PCDH15: variants seen among roughly 807,000 people sequenced by gnomAD.
The protein encoded by PCDH15 is protocadherin-15.
A neutral mutation model predicts 178.5 loss-of-function variants in PCDH15; 129 were observed. The ratio of observed to expected loss-of-function variants is 0.72; its 90% CI spans 0.63 to 0.84. PCDH15 has a LOEUF of 0.84. PCDH15 is among the 40% of genes least tolerant of loss of function. The pLI is 0.00. For missense variants in PCDH15, 2,230 were observed against 2,099.9 expected, an observed-to-expected ratio of 1.06 and a Z score of -1.21; for synonymous variants, 800 against 732.0, an observed-to-expected ratio of 1.09 and a Z score of -1.50.
intron 17 of PCDH15, among the ~76,000 whole-genome samples, chr10:54,073,576 G>A (rs879767535): frequency 9.2e-5 from 14 of 152,106 alleles, no homozygotes; most frequent in Non-Finnish European, 1.8e-4. Flanking sequence ...CAAAAACAAA[G>A]ATGCTAAGTC....
chr10:55,205,127 T>C (rs897590079), intron 1 of PCDH15, among the ~76,000 whole-genome samples: 2 of 152,132 alleles, frequency 1.3e-5, no homozygotes, highest in East Asian at 3.9e-4. Context: ...TTTCAAGAAT[T>C]AGTATGATAG....
intron 2 of PCDH15, among the ~76,000 whole-genome samples, chr10:54,921,833 A>C (rs957038366): frequency 6.6e-5 from 10 of 152,334 alleles, no homozygotes; most frequent in African/African-American, 2.4e-4. Flanking sequence ...CAGGCTGTAC[A>C]GGTAGCATCT....
intron 2 of PCDH15, among the ~76,000 whole-genome samples, chr10:55,134,143 T>G (rs1168291180): frequency 2.0e-5 from 3 of 152,122 alleles, no homozygotes; most frequent in African/African-American, 4.8e-5. Context: ...CTTCTCATCT[T>G]TTCTCCACTG....
intron 2 of PCDH15, among the ~76,000 whole-genome samples, chr10:54,948,859 A>T (rs1838258696): frequency 6.6e-6 from 1 of 151,952 alleles, no homozygotes; most frequent in South Asian, 2.1e-4. Flanking sequence ...TATATCTGGG[A>T]TAATTTTTGG....
chr10:54,189,789 A>C (rs910052657), intron 11 of PCDH15, among the ~76,000 whole-genome samples: 3 of 152,114 alleles, frequency 2.0e-5, no homozygotes, highest in African/African-American at 7.2e-5. Flanking sequence ...GTGGTCTCAG[A>C]CATGCCTCTT....
Position 55,613,215 on chromosome 10 carries a change from C to T in PCDH15, c.-156+14410G>A, listed in dbSNP as rs1843407812. ...CCTTCTCTTTACCTTCAATCTTAAG[C>T]CCCAAAATGAAAGTTATTATTCTTG... On this transcript the variant is annotated intron_variant, in intron 2 of 5. Transcript: ENST00000613346. 2.0e-5 allele frequency among the ~76,000 whole-genome samples: 3 copies of T among 151,812 alleles called. No homozygotes were observed. In the South Asian group the frequency reaches 6.2e-4, roughly 32 times the overall value.
At chr10:54,927,122 G>C (rs1413296291) in intron 2 of PCDH15, among the ~76,000 whole-genome samples, 1 of 152,008 alleles carries the variant, frequency 6.6e-6, no homozygotes, top group African/African-American at 2.4e-5. Flanking sequence ...GTGTCCTGGA[G>C]ATTCTGGTGT....
intron 3 of PCDH15, among the ~76,000 whole-genome samples, chr10:54,888,534 G>A (rs1380768610): frequency 6.6e-6 from 1 of 151,860 alleles, no homozygotes; most frequent in Non-Finnish European, 1.5e-5. Context: ...ATACACATAT[G>A]CTTTTTATTT....
At chr10:55,286,773 C>T (rs1176359630) in intron 1 of PCDH15, among the ~76,000 whole-genome samples, 1 of 151,950 alleles carries the variant, frequency 6.6e-6, no homozygotes, top group African/African-American at 2.4e-5. Flanking sequence ...AAAAGTCAGG[C>T]TTCTTCCATT....
intron 2 of PCDH15, among the ~76,000 whole-genome samples, chr10:55,165,578 A>C (rs1839173723): frequency 6.6e-6 from 1 of 152,042 alleles, no homozygotes; most frequent in African/African-American, 2.4e-5. Context: ...ATTTTAACAT[A>C]TTCAGTAGCA....
At chr10:55,565,213 A>T (rs1420305708) in intron 2 of PCDH15, among the ~76,000 whole-genome samples, 1 of 151,718 alleles carries the variant, frequency 6.6e-6, no homozygotes, top group Non-Finnish European at 1.5e-5. Context: ...AAAATCAAAA[A>T]ATATGTGGAA....
At chr10:54,261,857 A>G (rs1197325664) in intron 8 of PCDH15, among the ~76,000 whole-genome samples, 1 of 152,168 alleles carries the variant, frequency 6.6e-6, no homozygotes, top group East Asian at 1.9e-4. Context: ...GAGGAACCCA[A>G]ATATCCAGTA....
chr10:55,365,612 G>A (rs79119450), intron 2 of PCDH15, among the ~76,000 whole-genome samples: 1 of 152,134 alleles, frequency 6.6e-6, no homozygotes, highest in South Asian at 2.1e-4. Context: ...ATGGGGGAGG[G>A]TCTTTCCTGC....
At chr10:54,252,484 T>C (rs1278766970) in intron 8 of PCDH15, among the ~76,000 whole-genome samples, 3 of 152,178 alleles carry the variant, frequency 2.0e-5, no homozygotes, top group Non-Finnish European at 2.9e-5. Flanking sequence ...ATCCTCACTA[T>C]TCCCATTAAA....
At chr10:54,021,176 G>A (rs1019051473) in intron 19 of PCDH15, among the ~76,000 whole-genome samples, 5 of 152,026 alleles carry the variant, frequency 3.3e-5, no homozygotes, top group Non-Finnish European at 5.9e-5. Context: ...TTAGCTGAAA[G>A]GATGGGTTTT....
intron 2 of PCDH15, among the ~76,000 whole-genome samples, chr10:55,604,310 C>G (rs1391840159): frequency 1.6e-4 from 21 of 133,592 alleles, no homozygotes; most frequent in African/African-American, 5.0e-4. Context: ...ACTTTAACAC[C>G]CCACTGTCAA....
At chr10:54,786,396 C>A (rs1212014869) in intron 1 of PCDH15, among the ~76,000 whole-genome samples, 1 of 151,874 alleles carries the variant, frequency 6.6e-6, no homozygotes, top group African/African-American at 2.4e-5. Flanking sequence ...AAGACTTTTC[C>A]AAAATAACAG....
chr10:54,338,004 C>T (rs1941525923), intron 6 of PCDH15, among the ~76,000 whole-genome samples: 1 of 152,154 alleles, frequency 6.6e-6, no homozygotes, highest in Admixed American at 6.5e-5. Context: ...CATTTGCTTA[C>T]AATATAAATT....
In PCDH15 at chr10:54,501,734, T is replaced by C. The variant is rs2080709977; in HGVS notation, c.157+26078A>G. ...TCCAATGCTATGAAAATTTGATGTGTATAATTCTCCATGATTATACATATA... is the reference window on the plus strand; with the variant it reads ...TCCAATGCTATGAAAATTTGATGTGCATAATTCTCCATGATTATACATATA... On this transcript the variant is annotated intron_variant, in intron 3 of 37. Coordinates refer to ENST00000644397, the MANE Select transcript of PCDH15 (RefSeq NM_001384140.1). Among the ~76,000 whole-genome samples, 6 of 152,260 alleles carry C rather than the reference T, an allele frequency of 3.9e-5. No individual in the cohort carries two copies. In the South Asian group the frequency reaches 1.0e-3, roughly 26 times the overall value.
Sources: allele counts gnomAD v4.1 joint callset (sites outside exome capture counted in the v4.1 genomes callset), GRCh38; gene constraint gnomAD v4.1.1; transcripts MANE v1.5; gene names NCBI Gene and HGNC (gene_info 2026-07-23, HGNC 2026-07-21).